The following KCNQ1 variants were observed in gnomAD, a reference collection of about 807,000 sequenced individuals.
KCNQ1 encodes potassium voltage-gated channel subfamily Q member 1.
In KCNQ1, 49 loss-of-function variants were observed where a neutral mutation model predicts 72.4. That is an observed-to-expected ratio of 0.68 (90% confidence interval 0.54 to 0.86). The LOEUF is 0.86. Among genes scored for constraint, KCNQ1 ranks in the 40% least tolerant of loss-of-function variants. KCNQ1 has a pLI of 0.00. For synonymous variants in KCNQ1, 450 were observed against 412.6 expected (o/e 1.09, Z -1.10); for missense variants, 790 against 945.1 (o/e 0.84, Z 2.15).
intron 11 of KCNQ1, among the ~76,000 whole-genome samples, chr11:2,721,369 C>G (rs898066761): frequency 6.6e-6 from 1 of 152,210 alleles, no homozygotes; most frequent in Non-Finnish European, 1.5e-5. Context: ...AGCCGACTCC[C>G]GCTGGGCGCT....
rs566032387 is a variant in KCNQ1 at position 2,723,308 on chromosome 11, C to T, written c.1515-45536C>T. ...TTGGGGCAAGTGAGGGACGAGGAGG[C>T]TCCGCAGCCTCCCCCGGGACACTGC... On this transcript the variant is annotated intron_variant, in intron 11 of 15. Transcript: ENST00000155840. The surrounding 1 kb of genome is among the most constrained non-coding windows in gnomAD (Gnocchi z 4.2). Among the ~76,000 whole-genome samples the T allele has an allele frequency of 6.6e-6, 1 of 152,326 alleles. No homozygotes were observed. Among genetic ancestry groups the T allele is most frequent in the South Asian group, 2.1e-4 (1 of 4,826 alleles).
At position 2,538,285 on chromosome 11, in the gene KCNQ1, T is replaced by C. The variant is rs951950362; in HGVS notation, c.477+10267T>C. 8.5e-5 allele frequency among the ~76,000 whole-genome samples: 13 copies of C among 152,302 alleles called. No homozygotes were observed. Among genetic ancestry groups the C allele is most frequent in the East Asian group, 1.9e-4 (1 of 5,178 alleles). ...GCAGCCCTGCCCGGCCTTCCCTTCT[T>C]GGTCTCTCTCTTGGGCAGGGAAGGG... On this transcript the variant is annotated intron_variant, in intron 2 of 15. Coordinates refer to ENST00000155840, the MANE Select transcript of KCNQ1 (RefSeq NM_000218.3). This position sits in a 1 kb window ranked among gnomAD's most constrained non-coding sequence, Gnocchi z 6.7.
At chr11:2,614,172 C>G (rs1328060165) in intron 10 of KCNQ1, 1 of 398,430 alleles carries the variant, frequency 2.5e-6, no homozygotes, top group Non-Finnish European at 4.4e-6. Context: ...AATCTACCCC[C>G]AAGAGGTGAT....
At position 2,653,832 on chromosome 11, in the gene KCNQ1, G is replaced by T. The variant is rs1849794833; in HGVS notation, c.1394-8129G>T. Reference sequence around the variant, plus strand: ...AGGCAAGGTCCACAGGGACCCCTTTGGGGATGGCCAGAGGGTACCTAAACA... The same window carrying T: ...AGGCAAGGTCCACAGGGACCCCTTTTGGGATGGCCAGAGGGTACCTAAACA... On this transcript the variant is annotated intron_variant, in intron 10 of 15. Coordinates refer to ENST00000155840, the MANE Select transcript of KCNQ1 (RefSeq NM_000218.3). The surrounding 1 kb of genome is among the most constrained non-coding windows in gnomAD (Gnocchi z 5.3). 3 of 398,532 alleles carry T rather than the reference G, an allele frequency of 7.5e-6. No individual in the cohort carries two copies. The highest frequency in any genetic ancestry group is 6.2e-5 in the African/African-American group (3 of 48,626). The allele number at this position is 398,532 out of a possible 1,614,324, so 24.7% of individuals were successfully genotyped here.
chr11:2,709,875 T>TATCC (rs1181899055), intron 11 of KCNQ1, among the ~76,000 whole-genome samples: 1 of 152,254 alleles, frequency 6.6e-6, no homozygotes, highest in Non-Finnish European at 1.5e-5. Flanking sequence ...ACATTTTATT[T>TATCC]ATCCATTCAT....
In KCNQ1 at chr11:2,632,327, A is replaced by T. The variant is rs142566615; in HGVS notation, c.1394-29634A>T. The T allele has an allele frequency of 1.1e-3, 444 of 398,506 alleles. 2 individuals are homozygous for T. The highest frequency in any genetic ancestry group is 8.2e-3 in the African/African-American group (401 of 48,740). 24.7% of individuals were successfully genotyped at this position (398,506 alleles called of 1,614,324 possible). A position where few individuals can be genotyped will look rare whatever the true frequency, so the allele number is the denominator to read the frequency against. Reference sequence around the variant, plus strand: ...TATGATCATATCTATGAACAAACATAATTTTAATTCTTCCTTTCTAAATGA... The same window carrying T: ...TATGATCATATCTATGAACAAACATTATTTTAATTCTTCCTTTCTAAATGA... On this transcript the variant is annotated intron_variant, in intron 10 of 15. Transcript: ENST00000155840.
At chr11:2,758,650 C>T (rs1846340512) in intron 11 of KCNQ1, among the ~76,000 whole-genome samples, 1 of 152,180 alleles carries the variant, frequency 6.6e-6, no homozygotes, top group Non-Finnish European at 1.5e-5. Flanking sequence ...AAGCTGAGAA[C>T]AATCTATGTA....
rs1163781555 is a variant in KCNQ1, at chr11:2,559,490, G to GCCTCATGCCGCCTGT, written c.478-11136_478-11122dup. ...CCAGACAGCCCACAGGGGACACTGG[G>GCCTCATGCCGCCTGT]CCTCATGCCGCCTGTCAGGATGGTG... On this transcript the variant is annotated intron_variant, in intron 2 of 15. Coordinates refer to ENST00000155840, the MANE Select transcript of KCNQ1 (RefSeq NM_000218.3). This position sits in a 1 kb window ranked among gnomAD's most constrained non-coding sequence, Gnocchi z 4.9. Among the ~76,000 whole-genome samples the GCCTCATGCCGCCTGT allele has an allele frequency of 4.6e-5, 7 of 152,194 alleles. No individual in the cohort carries two copies. The highest frequency in any genetic ancestry group is 1.0e-4 in the Non-Finnish European group (7 of 68,036).
chr11:2,644,393 T>C (rs190228528), intron 10 of KCNQ1: 7 of 398,426 alleles, frequency 1.8e-5, no homozygotes, highest in Admixed American at 1.3e-4. Flanking sequence ...TTTTATTTCA[T>C]TCAATCTATT....
At position 2,689,522 on chromosome 11, in the gene KCNQ1, G is replaced by A. The variant is rs148361917; in HGVS notation, c.1514+27441G>A. On this transcript the variant is annotated intron_variant, in intron 11 of 15. Transcript: ENST00000155840. ...TGGGTCACCTTGTTTTATGGTCCCT[G>A]TCCCAGCATGAAGCTTGCACAGGAA... is the stretch of plus-strand genomic sequence containing the variant. 382 of 398,672 alleles carry A rather than the reference G, an allele frequency of 9.6e-4. 2 individuals carry two copies. The highest frequency in any genetic ancestry group is 7.0e-3 in the African/African-American group (340 of 48,746). 24.7% of individuals were successfully genotyped at this position (398,672 alleles called of 1,614,324 possible).
intron 1 of KCNQ1, among the ~76,000 whole-genome samples, chr11:2,523,751 GTTTTTTTTTTT>G (rs59766245): frequency 0.012 from 1,376 of 115,158 alleles, 29 homozygotes; most frequent in East Asian, 0.072. Context: ...GAAGTTTACA[GTTTTTTTTTTT>G]TTTTTTTTTG....
intron 10 of KCNQ1, chr11:2,632,906 CT>C (rs1488117241): frequency 5.0e-6 from 2 of 398,312 alleles, no homozygotes; most frequent in African/African-American, 4.1e-5. Context: ...TTTTTATATA[CT>C]GATTTCCTTT....
rs889856847 is a variant in KCNQ1 at position 2,566,511 on chromosome 11, G to A, written c.478-4117G>A. 6.6e-6 allele frequency among the ~76,000 whole-genome samples: 1 copy of A among 152,046 alleles called. No individual in the cohort carries two copies. The highest frequency in any genetic ancestry group is 2.4e-5 in the African/African-American group (1 of 41,390). On this transcript the variant is annotated intron_variant, in intron 2 of 15. Transcript: ENST00000155840. The surrounding 1 kb of genome is among the most constrained non-coding windows in gnomAD (Gnocchi z 6.7). ...CAGAGGCCACCACCCCCATTATGTG[G>A]GTCTGTGTTTGCTCTGTGCACGTCT...
rs755186162 is a variant in KCNQ1 at position 2,670,414 on chromosome 11, G to C, written c.1514+8333G>C. 2.8e-5 allele frequency: 11 copies of C among 398,090 alleles called. No individual in the cohort carries two copies. The highest frequency in any genetic ancestry group is 4.4e-5 in the Non-Finnish European group (10 of 226,006). The allele number at this position is 398,090 out of a possible 1,614,324, so 24.7% of individuals were successfully genotyped here. A position where few individuals can be genotyped will look rare whatever the true frequency, so the allele number is the denominator to read the frequency against. ...CAGACACCTACTATGTGTATTTCTT[G>C]TGTTGGGGTTAGGAGATACTGCTGT... On this transcript the variant is annotated intron_variant, in intron 11 of 15. Coordinates refer to ENST00000155840, the MANE Select transcript of KCNQ1 (RefSeq NM_000218.3). The surrounding 1 kb of genome is among the most constrained non-coding windows in gnomAD (Gnocchi z 4.9).
intron 11 of KCNQ1, chr11:2,665,170 C>T (rs190531268): frequency 9.8e-5 from 39 of 398,552 alleles, no homozygotes; most frequent in Middle Eastern, 6.2e-4. Context: ...CAGCTCTGGG[C>T]GGCCAGGACT....
intron 15 of KCNQ1, 42 bp downstream of exon 15, chr11:2,778,079 C>T (rs1846745026): frequency 6.3e-7 from 1 of 1,590,052 alleles, no homozygotes; most frequent in African/African-American, 1.3e-5. Flanking sequence ...GGTTAGCGTC[C>T]TGGGGCCAGC....
Position 2,565,733 on chromosome 11 carries a change from C to T in KCNQ1, c.478-4895C>T, listed in dbSNP as rs1447746775. 2.0e-5 allele frequency among the ~76,000 whole-genome samples: 3 copies of T among 152,234 alleles called. No individual in the cohort carries two copies. The highest frequency in any genetic ancestry group is 1.3e-4 in the Admixed American group (2 of 15,290). ...GAACGAGTGGGTCCGATGTGGAGTG[C>T]AGTGGCATCAGCCAAGGCTCCGAGG... On this transcript the variant is annotated intron_variant, in intron 2 of 15. Transcript: ENST00000155840. This position sits in a 1 kb window ranked among gnomAD's most constrained non-coding sequence, Gnocchi z 5.6.
chr11:2,772,063 G>C lies in KCNQ1; in HGVS notation c.1590+3144G>C, dbSNP rs929972415. 2.0e-5 allele frequency among the ~76,000 whole-genome samples: 3 copies of C among 152,294 alleles called. No homozygotes were observed. Among genetic ancestry groups the C allele is most frequent in the African/African-American group, 7.2e-5 (3 of 41,566 alleles). On this transcript the variant is annotated intron_variant, in intron 12 of 15. Transcript: ENST00000155840. This position sits in a 1 kb window ranked among gnomAD's most constrained non-coding sequence, Gnocchi z 6.6. The stretch of plus-strand genomic sequence containing the variant: ...GCACAAAGCCGCTGGGGCTCCCTCC[G>C]ACCTCACCAGCTGGCTCTTATTGCT...
rs893026121 is a variant in KCNQ1 at position 2,495,865 on chromosome 11, G to C, written c.387-32063G>C. Among the ~76,000 whole-genome samples, 1 of 152,210 alleles carries C rather than the reference G, an allele frequency of 6.6e-6. No individual in the cohort carries two copies. Among genetic ancestry groups the C allele is most frequent in the African/African-American group, 2.4e-5 (1 of 41,442 alleles). Reference sequence around the variant, plus strand: ...ATGTCTATTAGGTCCGCTTGGTCCAGAGCTGAGTTCAAGTCCTGAATATCC... The same window carrying C: ...ATGTCTATTAGGTCCGCTTGGTCCACAGCTGAGTTCAAGTCCTGAATATCC... On this transcript the variant is annotated intron_variant, in intron 1 of 15. Transcript: ENST00000155840. This position sits in a 1 kb window ranked among gnomAD's most constrained non-coding sequence, Gnocchi z 4.6.
Sources: gnomAD v4.1 joint callset for allele counts (sites outside exome capture counted in the v4.1 genomes callset) on GRCh38, gnomAD v4.1.1 for gene constraint, Gnocchi (gnomAD v3.1) non-coding constraint, MANE v1.5 for transcripts, NCBI Gene and HGNC (gene_info 2026-07-23, HGNC 2026-07-21) for gene names.